Variants in GPC5 observed in about 807,000 individuals in gnomAD.
The protein encoded by GPC5 is glypican-5.
GPC5 carries 47 observed loss-of-function variants against 53.9 expected under a neutral mutation model. The ratio of observed to expected loss-of-function variants is 0.87; its 90% CI spans 0.69 to 1.11. GPC5 has a LOEUF of 1.11. Ranked by LOEUF, GPC5 falls within the 50% of genes most tolerant of loss-of-function variation. The probability of loss-of-function intolerance (pLI) is 0.00; values close to 1 mark genes in which losing one functional copy is unlikely to be tolerated. For missense variants in GPC5, 748 were observed against 713.1 expected (o/e 1.05, Z -0.56); for synonymous variants, 286 against 263.3 (o/e 1.09, Z -0.84).
chr13:91,694,541 C>T (rs1044332529), intron 3 of GPC5, among the ~76,000 whole-genome samples: 1 of 152,154 alleles, frequency 6.6e-6, no homozygotes, highest in African/African-American at 2.4e-5. Context: ...ATCATCAAAT[C>T]AAAACACATG....
chr13:92,834,468 A>T (rs1878157734), intron 7 of GPC5, among the ~76,000 whole-genome samples: 1 of 152,110 alleles, frequency 6.6e-6, no homozygotes, highest in Non-Finnish European at 1.5e-5. Context: ...AAGCATCAGT[A>T]ACATGTATCT....
intron 7 of GPC5, among the ~76,000 whole-genome samples, chr13:92,695,668 TGAA>T (rs1887536384): frequency 1.3e-5 from 2 of 152,202 alleles, no homozygotes; most frequent in African/African-American, 2.4e-5. Flanking sequence ...CTTATGAAGT[TGAA>T]GAAGTTCTCT....
At chr13:91,591,307 T>C (rs952475091) in intron 2 of GPC5, among the ~76,000 whole-genome samples, 6 of 152,226 alleles carry the variant, frequency 3.9e-5, no homozygotes, top group African/African-American at 1.2e-4. Context: ...AGAGGTCTGC[T>C]GCTGGCCTGA....
intron 6 of GPC5, among the ~76,000 whole-genome samples, chr13:92,113,635 T>C (rs1317972892): frequency 6.6e-6 from 1 of 152,130 alleles, no homozygotes; most frequent in East Asian, 1.9e-4. Context: ...GTTAGGGACA[T>C]ATTAAGAGAC....
intron 2 of GPC5, among the ~76,000 whole-genome samples, chr13:91,597,035 G>A (rs966669990): frequency 3.9e-5 from 6 of 152,120 alleles, no homozygotes; most frequent in Non-Finnish European, 8.8e-5. Context: ...TCCTGGCTCT[G>A]CATGAGCTCC....
intron 7 of GPC5, among the ~76,000 whole-genome samples, chr13:92,533,505 G>T (rs9589572): frequency 6.6e-6 from 1 of 152,058 alleles, no homozygotes; most frequent in Admixed American, 6.6e-5. Flanking sequence ...GCTGAAACCC[G>T]TATAATATAG....
chr13:92,778,783 C>T (rs1378709796), intron 7 of GPC5, among the ~76,000 whole-genome samples: 1 of 151,920 alleles, frequency 6.6e-6, no homozygotes, highest in Non-Finnish European at 1.5e-5. Flanking sequence ...GATAGTTCTT[C>T]TATCTGTCTG....
intron 7 of GPC5, among the ~76,000 whole-genome samples, chr13:92,777,013 A>T (rs1875832888): frequency 9.6e-6 from 1 of 104,686 alleles, no homozygotes; most frequent in African/African-American, 3.6e-5. Context: ...ACAGAGAGAG[A>T]CCCTGCCTCA....
At chr13:92,783,322 T>C (rs1016698782) in intron 7 of GPC5, among the ~76,000 whole-genome samples, 29 of 152,194 alleles carry the variant, frequency 1.9e-4, no homozygotes, top group Admixed American at 2.6e-4. Flanking sequence ...GCTGAGTGCA[T>C]TGAGAGTTTA....
chr13:92,571,977 G>A (rs1269067354), intron 7 of GPC5, among the ~76,000 whole-genome samples: 1 of 152,130 alleles, frequency 6.6e-6, no homozygotes, highest in African/African-American at 2.4e-5. Context: ...CAAGGCTGCA[G>A]TGAGAAATGA....
chr13:91,913,607 C>G (rs1385962811), intron 6 of GPC5, among the ~76,000 whole-genome samples: 3 of 152,136 alleles, frequency 2.0e-5, no homozygotes, highest in African/African-American at 7.2e-5. Flanking sequence ...TAAGGAATAT[C>G]TCAGAAACTT....
intron 7 of GPC5, among the ~76,000 whole-genome samples, chr13:92,754,743 A>G (rs918256025): frequency 2.4e-4 from 37 of 151,776 alleles, no homozygotes; most frequent in Admixed American, 1.7e-3. Context: ...AGGCCATTAC[A>G]TAATGGTAAA....
Position 92,315,569 on chromosome 13 carries a change from T to G in GPC5, c.1561+170580T>G, listed in dbSNP as rs2043173660. On this transcript the variant is annotated intron_variant, in intron 7 of 7. Coordinates refer to ENST00000377067, the MANE Select transcript of GPC5 (RefSeq NM_004466.6). ...TGTTCTCAAGTGTCTTGGTCATGGG[T>G]CTCTGTACTACAAGTGTCTAGTTTA... Among the ~76,000 whole-genome samples, 5 of 152,164 alleles carry G rather than the reference T, an allele frequency of 3.3e-5. No homozygotes were observed. The South Asian group carries it at 1.0e-3, about 32-fold the overall frequency.
chr13:91,746,434 A>T (rs945644312), intron 4 of GPC5, among the ~76,000 whole-genome samples: 2 of 152,166 alleles, frequency 1.3e-5, no homozygotes, highest in Non-Finnish European at 1.5e-5. Flanking sequence ...TCCTTCTTGG[A>T]TACTTTTCTA....
chr13:92,267,644 A>C (rs2042811704), intron 7 of GPC5, among the ~76,000 whole-genome samples: 1 of 152,066 alleles, frequency 6.6e-6, no homozygotes, highest in African/African-American at 2.4e-5. Flanking sequence ...GTCTCTAATA[A>C]CATATTTTAT....
At chr13:91,576,699 GA>G (rs2139059248) in intron 2 of GPC5, among the ~76,000 whole-genome samples, 1 of 152,278 alleles carries the variant, frequency 6.6e-6, no homozygotes, top group African/African-American at 2.4e-5. Context: ...TGCAACAATG[GA>G]AAGGGGCCCT....
intron 7 of GPC5, among the ~76,000 whole-genome samples, chr13:92,319,137 C>T (rs999506800): frequency 6.6e-6 from 1 of 151,920 alleles, no homozygotes; most frequent in African/African-American, 2.4e-5. Flanking sequence ...GTATAAACAT[C>T]CAGGTTGCTT....
intron 7 of GPC5, among the ~76,000 whole-genome samples, chr13:92,809,688 T>G (rs1341505679): frequency 1.3e-5 from 2 of 152,174 alleles, no homozygotes; most frequent in East Asian, 3.8e-4. Context: ...TTAAATTACA[T>G]CAGTAACATC....
At chr13:91,984,844 C>T (rs946367399) in intron 6 of GPC5, among the ~76,000 whole-genome samples, 4 of 152,038 alleles carry the variant, frequency 2.6e-5, no homozygotes, top group Non-Finnish European at 4.4e-5. Context: ...ACATATTCTC[C>T]GTGATTTTAA....
Sources: allele counts gnomAD v4.1 joint callset (sites outside exome capture counted in the v4.1 genomes callset), GRCh38; gene constraint gnomAD v4.1.1; transcripts MANE v1.5; gene names NCBI Gene and HGNC (gene_info 2026-07-23, HGNC 2026-07-21).